TXLNA: variants seen among roughly 807,000 people sequenced by gnomAD.
The protein encoded by TXLNA is taxilin alpha.
Under a neutral mutation model 61.4 loss-of-function variants are expected in TXLNA, and 9 were observed. The ratio of observed to expected loss-of-function variants is 0.15; its 90% CI spans 0.09 to 0.26. The LOEUF (loss-of-function observed/expected upper bound fraction) is 0.26, where lower values mean the gene tolerates loss of function less well. Ranked by LOEUF, TXLNA falls within the 10% of genes least tolerant of loss-of-function variation. The pLI is 1.00. For missense variants in TXLNA, 565 were observed against 688.8 expected (o/e 0.82, Z 2.01); for synonymous variants, 257 against 267.7 (o/e 0.96, Z 0.39).
intron 1 of TXLNA, chr1:32,180,005 C>A (rs1319336469): frequency 1.2e-5 from 2 of 169,074 alleles, no homozygotes; most frequent in Non-Finnish European, 2.5e-5. Context: ...GGGAGTCCCG[C>A]CACGTCAGTC....
intron 4 of TXLNA, among the ~76,000 whole-genome samples, chr1:32,185,287 G>A (rs527569093): frequency 6.6e-6 from 1 of 152,196 alleles, no homozygotes; most frequent in Non-Finnish European, 1.5e-5. Flanking sequence ...GGGGCAGCCA[G>A]ATTCTTCCAT....
rs748940723 is a variant in TXLNA at position 32,192,513 on chromosome 1, G to A, written c.1083+83G>A. On this transcript the variant is annotated intron_variant, in intron 7 of 10. Coordinates refer to ENST00000373610, the MANE Select transcript of TXLNA (RefSeq NM_175852.4). This position sits in a 1 kb window ranked among gnomAD's most constrained non-coding sequence, Gnocchi z 4.2. The stretch of plus-strand genomic sequence containing the variant: ...CTCAGCTCATAGCCGGGTTATATGG[G>A]AGAAGTCTGGCCAGACCAGGCACAG... 5.0e-6 allele frequency: 8 copies of A among 1,597,408 alleles called. No homozygotes were observed. Among genetic ancestry groups the A allele is most frequent in the Non-Finnish European group, 6.0e-6 (7 of 1,168,886 alleles).
At chr1:32,184,379 T>A in intron 3 of TXLNA, 146 bp from the exon 4 acceptor site, 1 of 635,190 alleles carries the variant, frequency 1.6e-6, no homozygotes, top group Non-Finnish European at 2.9e-6. Context: ...ATTGAGTTGG[T>A]CCTTATGGCA....
At chr1:32,190,005 C>T in intron 5 of TXLNA, 50 bp from the exon 6 acceptor site, 1 of 1,513,424 alleles carries the variant, frequency 6.6e-7, no homozygotes, top group Non-Finnish European at 8.9e-7. Flanking sequence ...CTGGGGGACC[C>T]TTGTGAGGTA....
Position 32,194,924 on chromosome 1 carries a change from T to A in TXLNA, c.1370T>A (p.Leu457Gln), listed in dbSNP as rs762588244. The stretch of plus-strand genomic sequence containing the variant: ...TAGAAAACAGTCCGGGATAAAGAAC[T>A]GGAGGGCCTGCAGGTAAAAATCCAA... ...AEEKTVRDKE[L>Q]EGLQVKIQRL... Residue 457 changes from leucine (L) to glutamine (Q), a missense_variant, in exon 11 of 11, where the codon CTG (leucine) becomes CAG (glutamine). Around this residue, in one of 2 missense-constraint regions of TXLNA, gnomAD observed 373 missense variants for 504.0 expected, o/e 0.74. Coordinates refer to ENST00000373610, the MANE Select transcript of TXLNA (RefSeq NM_175852.4). 2.5e-6 allele frequency: 4 copies of A among 1,613,116 alleles called. No homozygotes were observed. Among genetic ancestry groups the A allele is most frequent in the Non-Finnish European group, 3.4e-6 (4 of 1,179,636 alleles).
At chr1:32,187,842 C>A in intron 4 of TXLNA, 112 bp from the exon 5 acceptor site, 1 of 1,190,062 alleles carries the variant, frequency 8.4e-7, no homozygotes, top group Non-Finnish European at 1.2e-6. Flanking sequence ...GTGCTCCTGG[C>A]CTGAGAGGGT....
chr1:32,194,820 GT>G, intron 10 of TXLNA, 81 bp from the exon 11 acceptor site: 3 of 1,499,360 alleles, frequency 2.0e-6, no homozygotes, highest in Non-Finnish European at 2.7e-6. Context: ...TCTCAGCCTT[GT>G]TAAAGTGTTT....
At chr1:32,189,315 T>C (rs1642855296) in intron 5 of TXLNA, among the ~76,000 whole-genome samples, 1 of 152,228 alleles carries the variant, frequency 6.6e-6, no homozygotes, top group African/African-American at 2.4e-5. Flanking sequence ...TGCCTTCCAG[T>C]GAGGGGGCAG....
At chr1:32,184,344 G>A (rs1642736795) in intron 3 of TXLNA, among the ~76,000 whole-genome samples, 181 bp from the exon 4 acceptor site, 1 of 152,198 alleles carries the variant, frequency 6.6e-6, no homozygotes, top group Non-Finnish European at 1.5e-5. Flanking sequence ...ACTATGGACA[G>A]TACTGGGGCT....
At position 32,193,145 on chromosome 1, in the gene TXLNA, G is replaced by A. The variant is rs1642942687; in HGVS notation, c.1159-63G>A. The stretch of plus-strand genomic sequence containing the variant: ...CAGAGAGTCAAGGACGGGTCTGAGT[G>A]TGTTGACCAGAGTGCCTCCCAGAGA... On this transcript the variant is annotated intron_variant, in intron 8 of 10. Transcript: ENST00000373610. 3.0e-5 allele frequency: 31 copies of A among 1,045,622 alleles called. No individual in the cohort carries two copies. In the South Asian group the frequency reaches 3.9e-4, roughly 13 times the overall value. The allele number at this position is 1,045,622 out of a possible 1,614,324, so 64.8% of individuals were successfully genotyped here. A position where few individuals can be genotyped will look rare whatever the true frequency, so the allele number is the denominator to read the frequency against.
chr1:32,179,958 G>C (rs904021004), intron 1 of TXLNA, 182 bp downstream of exon 1: 4 of 155,150 alleles, frequency 2.6e-5, no homozygotes, highest in African/African-American at 9.6e-5. Context: ...GCGCGCGCGG[G>C]GGGCGCACGT....
At position 32,197,245 on chromosome 1, in the gene TXLNA, G is replaced by A. The variant is rs1170684829; in HGVS notation, c.*2050G>A. ...TGCACCTTCCCCCTTGAAGAGAGGG[G>A]AAAGGCCTACAGTGGCCCACATAAT... On this transcript the variant is annotated 3_prime_UTR_variant, in exon 11 of 11. Transcript: ENST00000373610. This position sits in a 1 kb window ranked among gnomAD's most constrained non-coding sequence, Gnocchi z 4.6. The A allele has an allele frequency of 6.6e-6, 1 of 152,266 alleles. No homozygotes were observed. The highest frequency in any genetic ancestry group is 1.5e-5 in the Non-Finnish European group (1 of 68,080). The allele number at this position is 152,266 out of a possible 1,614,324, so 9.4% of individuals were successfully genotyped here. A position where few individuals can be genotyped will look rare whatever the true frequency, so the allele number is the denominator to read the frequency against.
intron 4 of TXLNA, among the ~76,000 whole-genome samples, chr1:32,185,277 G>A (rs1642756258): frequency 6.6e-6 from 1 of 152,152 alleles, no homozygotes; most frequent in Non-Finnish European, 1.5e-5. Flanking sequence ...GGTTGGGGGT[G>A]GGGCAGCCAG....
At chr1:32,180,603 T>C (rs982726635) in intron 2 of TXLNA, 89 bp downstream of exon 2, 1 of 1,455,554 alleles carries the variant, frequency 6.9e-7, no homozygotes, top group African/African-American at 1.4e-5. Flanking sequence ...GGCCAGGTTG[T>C]CCGGGAGGAG....
At chr1:32,191,897 A>C (rs1642914757) in intron 6 of TXLNA, among the ~76,000 whole-genome samples, 1 of 152,220 alleles carries the variant, frequency 6.6e-6, no homozygotes, top group African/African-American at 2.4e-5. Context: ...CTTTGCCTAG[A>C]TATGGCAAGT....
At chr1:32,189,521 T>C (rs1164907912) in intron 5 of TXLNA, among the ~76,000 whole-genome samples, 1 of 151,768 alleles carries the variant, frequency 6.6e-6, no homozygotes, top group Admixed American at 6.6e-5. Flanking sequence ...TGTGTGCATG[T>C]GTGCCTGCAT....
At position 32,190,433 on chromosome 1, in the gene TXLNA, T is replaced by C. The variant is rs772773223; in HGVS notation, c.963+184T>C. Among the ~76,000 whole-genome samples, 142 of 152,230 alleles carry C rather than the reference T, an allele frequency of 9.3e-4. 3 individuals are homozygous for C. Among genetic ancestry groups the C allele is most frequent in the South Asian group, 1.0e-3 (5 of 4,820 alleles). On this transcript the variant is annotated intron_variant, in intron 6 of 10. Coordinates refer to ENST00000373610, the MANE Select transcript of TXLNA (RefSeq NM_175852.4). ...AACAGGTGTGGAGAAGAGACTCACT[T>C]ACAGCCACACAGCCCCAGGTCCACA...
chr1:32,194,225 T>G, intron 10 of TXLNA, 65 bp downstream of exon 10: 1 of 1,321,008 alleles, frequency 7.6e-7, no homozygotes, highest in Non-Finnish European at 1.1e-6. Context: ...GGCCCTTTCC[T>G]GTATGTTCTA....
At chr1:32,187,363 AG>A (rs1293249818) in intron 4 of TXLNA, among the ~76,000 whole-genome samples, 1 of 152,178 alleles carries the variant, frequency 6.6e-6, no homozygotes, top group Non-Finnish European at 1.5e-5. Flanking sequence ...TCTGTTGTAC[AG>A]GCCTGGATAG....
Sources: gnomAD v4.1 joint callset for allele counts (sites outside exome capture counted in the v4.1 genomes callset) on GRCh38, gnomAD v4.1.1 for gene constraint, gnomAD v4.1.1 regional missense constraint, Gnocchi (gnomAD v3.1) non-coding constraint, MANE v1.5 for transcripts, NCBI Gene and HGNC (gene_info 2026-07-23, HGNC 2026-07-21) for gene names.